ESR1: variants seen among roughly 807,000 people sequenced by gnomAD.
ESR1 encodes the protein estrogen receptor 1.
Under a neutral mutation model 52.7 loss-of-function variants are expected in ESR1, and 12 were observed. The ratio of observed to expected loss-of-function variants is 0.23; its 90% CI spans 0.15 to 0.37. The LOEUF is 0.37. Among genes scored for constraint, ESR1 ranks in the 10% least tolerant of loss-of-function variants. The pLI is 1.00. For synonymous variants in ESR1, 305 were observed against 316.8 expected, an observed-to-expected ratio of 0.96 and a Z score of 0.39; for missense variants, 584 against 779.7, an observed-to-expected ratio of 0.75 and a Z score of 2.99.
At chr6:151,718,287 A>G (rs945650502) in intron 2 of ESR1, among the ~76,000 whole-genome samples, 3 of 152,214 alleles carry the variant, frequency 2.0e-5, no homozygotes, top group Non-Finnish European at 2.9e-5. Flanking sequence ...TTCTCTCTGG[A>G]CAAGGAGCAT....
At chr6:151,746,473 A>G (rs1286866115) in intron 2 of ESR1, among the ~76,000 whole-genome samples, 1 of 152,330 alleles carries the variant, frequency 6.6e-6, no homozygotes, top group Non-Finnish European at 1.5e-5. Flanking sequence ...ATCTGAACAC[A>G]AAAGTCAAAC....
chr6:152,015,909 T>C (rs1371698697), intron 5 of ESR1, among the ~76,000 whole-genome samples: 1 of 152,060 alleles, frequency 6.6e-6, no homozygotes. Flanking sequence ...TGAAGTAAAA[T>C]CCTTAAGGTC....
At chr6:151,704,922 A>C (rs1170466509) in intron 2 of ESR1, among the ~76,000 whole-genome samples, 2 of 151,082 alleles carry the variant, frequency 1.3e-5, no homozygotes, top group Non-Finnish European at 2.9e-5. Context: ...TTATGTATGC[A>C]GGCAGAGGGC....
chr6:152,092,606 G>A (rs1415230901), intron 6 of ESR1, among the ~76,000 whole-genome samples: 1 of 152,152 alleles, frequency 6.6e-6, no homozygotes, highest in Non-Finnish European at 1.5e-5. Context: ...ATGGTCAGTG[G>A]GCTGAATAGT....
At chr6:151,791,640 T>C (rs1304605241) in intron 2 of ESR1, among the ~76,000 whole-genome samples, 5 of 152,076 alleles carry the variant, frequency 3.3e-5, no homozygotes, top group Non-Finnish European at 7.4e-5. Context: ...GCCAGTGCAA[T>C]CAACACGAAG....
chr6:152,011,091 C>A (rs961898539), intron 4 of ESR1, among the ~76,000 whole-genome samples: 7 of 152,050 alleles, frequency 4.6e-5, no homozygotes, highest in African/African-American at 1.4e-4. Context: ...ATCATAATGT[C>A]ACCTTTTTTT....
At chr6:151,868,717 A>T (rs754125342) in intron 2 of ESR1, among the ~76,000 whole-genome samples, 18 of 152,134 alleles carry the variant, frequency 1.2e-4, no homozygotes, top group Non-Finnish European at 1.6e-4. Context: ...CTGATGGGCA[A>T]TTGGGTTGAT....
intron 4 of ESR1, among the ~76,000 whole-genome samples, chr6:151,952,318 G>A (rs1316094808): frequency 6.6e-6 from 1 of 152,156 alleles, no homozygotes; most frequent in African/African-American, 2.4e-5. Flanking sequence ...AAAGACCTTT[G>A]TAAAAAGGCT....
intron 5 of ESR1, among the ~76,000 whole-genome samples, chr6:152,058,311 A>G (rs9397077): frequency 0.22 from 33,168 of 151,884 alleles, 5,222 homozygotes; most frequent in African/African-American, 0.44. Flanking sequence ...TCTGCCAGCC[A>G]CACATTGGGC....
At chr6:151,795,487 CAAAAAAAA>C (rs61142527) in intron 2 of ESR1, among the ~76,000 whole-genome samples, 1 of 83,340 alleles carries the variant, frequency 1.2e-5, no homozygotes, top group Non-Finnish European at 2.8e-5. Flanking sequence ...GACTCCATCT[CAAAAAAAA>C]AAAAAAAAAA....
chr6:152,005,612 A>G (rs183102301), intron 4 of ESR1, among the ~76,000 whole-genome samples: 3 of 152,196 alleles, frequency 2.0e-5, no homozygotes, highest in African/African-American at 7.2e-5. Flanking sequence ...TTGAGTAGCT[A>G]CCATGGCTTT....
intron 1 of ESR1, among the ~76,000 whole-genome samples, chr6:151,664,306 A>G (rs760437078): frequency 1.3e-5 from 2 of 152,246 alleles, no homozygotes; most frequent in Non-Finnish European, 2.9e-5. Flanking sequence ...CAAGGATACC[A>G]TTACCAGAGT....
chr6:151,747,129 T>C (rs1347316034), intron 2 of ESR1, among the ~76,000 whole-genome samples: 1 of 152,236 alleles, frequency 6.6e-6, no homozygotes. Context: ...TGTGGACTAA[T>C]CAATGATCTA....
At chr6:151,695,807 G>C (rs1473847503) in intron 1 of ESR1, among the ~76,000 whole-genome samples, 4 of 152,096 alleles carry the variant, frequency 2.6e-5, no homozygotes, top group African/African-American at 9.7e-5. Context: ...GTAAAGAAAG[G>C]TGCTTAATAA....
chr6:151,843,383 T>C (rs559212780), intron 2 of ESR1, among the ~76,000 whole-genome samples: 12 of 152,216 alleles, frequency 7.9e-5, no homozygotes, highest in Non-Finnish European at 8.8e-5. Flanking sequence ...TATCTACCTG[T>C]AGCATTTCAT....
intron 1 of ESR1, among the ~76,000 whole-genome samples, chr6:151,674,809 C>CTGCCTAAGAA (rs1778197602): frequency 6.6e-6 from 1 of 152,222 alleles, no homozygotes; most frequent in Non-Finnish European, 1.5e-5. Context: ...CAGTTCCATT[C>CTGCCTAAGAA]TGCCTAAGAC....
intron 3 of ESR1, among the ~76,000 whole-genome samples, chr6:151,937,149 T>G (rs2034461018): frequency 6.6e-6 from 1 of 152,196 alleles, no homozygotes; most frequent in Admixed American, 6.5e-5. Context: ...TCTTAGAGTT[T>G]GATTTTATTC....
intron 6 of ESR1, chr6:152,122,293 A>C: frequency 7.7e-7 from 1 of 1,295,924 alleles, no homozygotes; most frequent in South Asian, 1.2e-5. Flanking sequence ...CATAATTTGC[A>C]CACATGTGAT....
At chr6:152,006,274 A>G (rs1337408195) in intron 4 of ESR1, among the ~76,000 whole-genome samples, 1 of 151,970 alleles carries the variant, frequency 6.6e-6, no homozygotes, top group Non-Finnish European at 1.5e-5. Flanking sequence ...GATTAAACCC[A>G]TTTTCTTAAT....
Sources: gnomAD v4.1 joint callset for allele counts (sites outside exome capture counted in the v4.1 genomes callset) on GRCh38, gnomAD v4.1.1 for gene constraint, MANE v1.5 for transcripts, NCBI Gene and HGNC (gene_info 2026-07-23, HGNC 2026-07-21) for gene names.